CDK5RAP2: variants seen among roughly 807,000 people sequenced by gnomAD.
CDK5RAP2 encodes CDK5 regulatory subunit associated protein 2.
CDK5RAP2 carries 147 observed loss-of-function variants against 232.9 expected under a neutral mutation model. The observed-to-expected ratio is 0.63, with a 90% CI of 0.55 to 0.72. The LOEUF (loss-of-function observed/expected upper bound fraction) is 0.72. Among genes scored for constraint, CDK5RAP2 ranks in the 30% least tolerant of loss-of-function variants. The pLI is 0.00. For missense variants in CDK5RAP2, 2,195 were observed against 2,231.5 expected, an observed-to-expected ratio of 0.98 and a Z score of 0.33; for synonymous variants, 833 against 833.7, an observed-to-expected ratio of 1.00 and a Z score of 0.01.
chr9:120,408,196 G>T (rs1415495089), intron 31 of CDK5RAP2, 151 bp downstream of exon 31: 1 of 865,562 alleles, frequency 1.2e-6, no homozygotes, highest in East Asian at 2.5e-5. Flanking sequence ...GAAGAAGAGT[G>T]GGTCAAAGAG....
intron 12 of CDK5RAP2, among the ~76,000 whole-genome samples, chr9:120,509,326 G>A (rs1202464203): frequency 6.6e-6 from 1 of 152,202 alleles, no homozygotes; most frequent in Admixed American, 6.5e-5. Flanking sequence ...TCCTGAGCCA[G>A]CACCTGCCAC....
At chr9:120,518,992 C>T (rs773733586) in intron 11 of CDK5RAP2, among the ~76,000 whole-genome samples, 17 of 151,700 alleles carry the variant, frequency 1.1e-4, no homozygotes, top group Admixed American at 8.5e-4. Context: ...CTGGCCAACA[C>T]GGTGAAACCC....
At chr9:120,460,022 A>G (rs775195836) in intron 19 of CDK5RAP2, among the ~76,000 whole-genome samples, 2 of 152,156 alleles carry the variant, frequency 1.3e-5, no homozygotes, top group Non-Finnish European at 2.9e-5. Flanking sequence ...AGAGTGCTCT[A>G]TGTGTACGGG....
In CDK5RAP2 at chr9:120,430,181, T is replaced by C. The variant is rs1285030090; in HGVS notation, c.3955+7114A>G. Among the ~76,000 whole-genome samples, 816 of 152,104 alleles carry C rather than the reference T, an allele frequency of 5.4e-3. 9 individuals carry two copies. Among genetic ancestry groups the C allele is most frequent in the African/African-American group, 0.019 (771 of 41,424 alleles). On this transcript the variant is annotated intron_variant, in intron 25 of 37. Transcript: ENST00000349780. Reference sequence around the variant, plus strand: ...CCCTAGAAGAAAACCTAGGCATTACTATTCAGGACATAGGCATGGGCAAGG... The same window carrying C: ...CCCTAGAAGAAAACCTAGGCATTACCATTCAGGACATAGGCATGGGCAAGG...
At position 120,407,055 on chromosome 9, in the gene CDK5RAP2, T is replaced by C. The variant is rs2033496324; in HGVS notation, c.4920A>G (p.Gln1640=). The part of the protein sequence containing the change: ...AQEGALTLAV[Q]AVSIPEVPLQ... The stretch of plus-strand genomic sequence containing the variant: ...GGGGCACCTCAGGGATGGACACGGC[T>C]TGGACAGCCAGAGTGAGGGCTCCTT... Residue 1640 remains glutamine (Q), a synonymous_variant, in exon 32 of 38, where the codon CAA becomes CAG. Coordinates refer to ENST00000349780, the MANE Select transcript of CDK5RAP2 (RefSeq NM_018249.6). The C allele has an allele frequency of 6.2e-7, 1 of 1,614,178 alleles. No homozygotes were observed. Among genetic ancestry groups the C allele is most frequent in the Non-Finnish European group, 8.5e-7 (1 of 1,180,032 alleles).
intron 3 of CDK5RAP2, among the ~76,000 whole-genome samples, chr9:120,557,074 T>G (rs1228836315): frequency 6.6e-6 from 1 of 152,202 alleles, no homozygotes; most frequent in East Asian, 1.9e-4. Context: ...TGAAAGAATA[T>G]TTGTCCTATT....
chr9:120,531,616 C>T (rs933951458), intron 7 of CDK5RAP2, among the ~76,000 whole-genome samples: 2 of 148,172 alleles, frequency 1.3e-5, no homozygotes, highest in African/African-American at 4.9e-5. Context: ...ATAATTATTA[C>T]TTTTTTTTTT....
At chr9:120,556,264 A>T (rs954478741) in intron 3 of CDK5RAP2, among the ~76,000 whole-genome samples, 1 of 152,222 alleles carries the variant, frequency 6.6e-6, no homozygotes, top group South Asian at 2.1e-4. Flanking sequence ...TATGTAAATT[A>T]TATCTCAATA....
In CDK5RAP2 at chr9:120,477,390, T is replaced by C; in HGVS notation, c.1687A>G (p.Ile563Val). The change falls in exon 15 of 38, where the codon ATC (isoleucine) becomes GTC (valine). Residue 563 changes from isoleucine (I) to valine (V), a missense_variant. Coordinates refer to ENST00000349780, the MANE Select transcript of CDK5RAP2 (RefSeq NM_018249.6). Reference sequence around the variant, plus strand: ...AGAGATTTGACCAGATGGGTATAGATGTCCTGCTCTTTCTTTAAGACCTGA... The same window carrying C: ...AGAGATTTGACCAGATGGGTATAGACGTCCTGCTCTTTCTTTAAGACCTGA... The part of the protein sequence containing the change: ...LIQVLKKEQD[I>V]YTHLVKSLQE... 1 of 1,614,068 alleles carries C rather than the reference T, an allele frequency of 6.2e-7. No individual in the cohort carries two copies.
At position 120,399,786 on chromosome 9, in the gene CDK5RAP2, A is replaced by G. The variant is rs557913421; in HGVS notation, c.5451+956T>C. Among the ~76,000 whole-genome samples, 13 of 152,330 alleles carry G rather than the reference A, an allele frequency of 8.5e-5. No individual in the cohort carries two copies. The South Asian group carries it at 2.1e-3, about 24-fold the overall frequency. On this transcript the variant is annotated intron_variant, in intron 35 of 37. Transcript: ENST00000349780. Reference sequence around the variant, plus strand: ...ACGTGGGCCAAAAAAAGATTTTTCTATGGAATGAATAGTTATCAACTTCCC... The same window carrying G: ...ACGTGGGCCAAAAAAAGATTTTTCTGTGGAATGAATAGTTATCAACTTCCC...
chr9:120,487,384 A>T lies in CDK5RAP2; in HGVS notation c.1536T>A (p.Ala512=). The change falls in exon 14 of 38, where the codon GCT becomes GCA. Residue 512 remains alanine (A), a synonymous_variant. Coordinates refer to ENST00000349780, the MANE Select transcript of CDK5RAP2 (RefSeq NM_018249.6). The stretch of plus-strand genomic sequence containing the variant: ...CACTCCTGAGCTCAAGATCCTCTGC[A>T]GCCATTAAATAGCAGTTCTGCTGTA... ...EVIQQNCYLM[A]AEDLELRSEG... 1.2e-6 allele frequency: 2 copies of T among 1,613,860 alleles called. No individual in the cohort carries two copies. Among genetic ancestry groups the T allele is most frequent in the Non-Finnish European group, 1.7e-6 (2 of 1,179,858 alleles).
chr9:120,529,791 G>A (rs1248659318), intron 8 of CDK5RAP2, among the ~76,000 whole-genome samples, 187 bp downstream of exon 8: 1 of 152,196 alleles, frequency 6.6e-6, no homozygotes, highest in Non-Finnish European at 1.5e-5. Context: ...AGGAACAGGA[G>A]ACTAAGAAGG....
At chr9:120,526,344 C>A (rs2040898680) in intron 10 of CDK5RAP2, among the ~76,000 whole-genome samples, 1 of 152,172 alleles carries the variant, frequency 6.6e-6, no homozygotes, top group Non-Finnish European at 1.5e-5. Flanking sequence ...CCATCAACCT[C>A]CACTATCCAC....
rs758906485 is a variant in CDK5RAP2 at position 120,525,081 on chromosome 9, G to A, written c.1000-3C>T. ...ATTTCAGAGTTAAGTTCTTCAACCT[G>A]GGGAAAAATAATGAATACCAGCCAA... On this transcript the variant is annotated splice_region_variant and splice_polypyrimidine_tract_variant and intron_variant, in intron 10 of 37. Transcript: ENST00000349780. The A allele has an allele frequency of 6.2e-7, 1 of 1,612,210 alleles. No homozygotes were observed. Among genetic ancestry groups the A allele is most frequent in the South Asian group, 1.1e-5 (1 of 91,028 alleles).
chr9:120,460,523 G>A (rs748180749), intron 19 of CDK5RAP2, 49 bp downstream of exon 19: 2 of 1,551,770 alleles, frequency 1.3e-6, no homozygotes, highest in African/African-American at 2.7e-5. Flanking sequence ...GACTGATTTG[G>A]ACATAGAGTG....
rs1219555503 is a variant in CDK5RAP2 at position 120,458,580 on chromosome 9, A to T, written c.2245T>A (p.Leu749Ile). Residue 749 changes from leucine to isoleucine, a missense_variant, in exon 20 of 38, where the codon TTA becomes ATA. Physicochemically the swap from Leu to Ile is conservative, Grantham distance 5. Transcript: ENST00000349780. ...LSKGGCKNGY[L>I]RHTESKISDC... Reference sequence around the variant, plus strand: ...GAAATCTTAGACTCCGTGTGCCTTAAGTATCCATTTTTGCAGCCTCCTTTG... The same window carrying T: ...GAAATCTTAGACTCCGTGTGCCTTATGTATCCATTTTTGCAGCCTCCTTTG... 1 of 1,614,076 alleles carries T rather than the reference A, an allele frequency of 6.2e-7. No individual in the cohort carries two copies. The highest frequency in any genetic ancestry group is 2.2e-5 in the East Asian group (1 of 44,892).
At chr9:120,519,636 C>T (rs1721668227) in intron 11 of CDK5RAP2, among the ~76,000 whole-genome samples, 1 of 152,220 alleles carries the variant, frequency 6.6e-6, no homozygotes, top group African/African-American at 2.4e-5. Flanking sequence ...CAACCTACGA[C>T]TGGTGTCATC....
In CDK5RAP2 at chr9:120,437,466, C is replaced by G. The variant is rs1164071941; in HGVS notation, c.3784G>C (p.Asp1262His). The G allele has an allele frequency of 6.2e-7, 1 of 1,614,110 alleles. No homozygotes were observed. Among genetic ancestry groups the G allele is most frequent in the South Asian group, 1.1e-5 (1 of 91,080 alleles). The stretch of plus-strand genomic sequence containing the variant: ...GAGATGACACAGATGCCATGGCCAT[C>G]CTTAATCTGCTGCCGTTGAAGGGAG... Reference protein sequence around the residue: ...ELSLQRQQIKDGHGICVISRQ... With the variant: ...ELSLQRQQIKHGHGICVISRQ... Residue 1262 changes from aspartate (D) to histidine (H), a missense_variant, in exon 25 of 38, where the codon GAT (aspartate) becomes CAT (histidine). Asp to His is a moderately conservative substitution (Grantham distance 81). Transcript: ENST00000349780.
chr9:120,409,930 G>C (rs997359914), intron 29 of CDK5RAP2, among the ~76,000 whole-genome samples: 1 of 152,198 alleles, frequency 6.6e-6, no homozygotes, highest in African/African-American at 2.4e-5. Context: ...GATTCACTGA[G>C]ATGCCATCTA....
Sources: allele counts gnomAD v4.1 joint callset (sites outside exome capture counted in the v4.1 genomes callset), GRCh38; gene constraint gnomAD v4.1.1; transcripts MANE v1.5; gene names NCBI Gene and HGNC (gene_info 2026-07-23, HGNC 2026-07-21).